CARS2: variants seen among roughly 807,000 people sequenced by gnomAD.
CARS2 encodes the protein cysteinyl-tRNA synthetase 2, mitochondrial, also known as probable cysteine--tRNA ligase, mitochondrial.
In CARS2, 52 loss-of-function variants were observed where a neutral mutation model predicts 68.8. That is an observed-to-expected ratio of 0.76 (90% CI 0.61 to 0.95). The LOEUF (loss-of-function observed/expected upper bound fraction) is 0.95, where lower values mean the gene tolerates loss of function less well. CARS2 is among the 40% of genes least tolerant of loss of function. The probability of loss-of-function intolerance (pLI) is 0.00; values close to 1 mark genes in which losing one functional copy is unlikely to be tolerated. For synonymous variants in CARS2, 314 were observed against 303.6 expected, an observed-to-expected ratio of 1.03 and a Z score of -0.36; for missense variants, 780 against 754.2, an observed-to-expected ratio of 1.03 and a Z score of -0.40.
chr13:110,684,951 A>C (rs1018084762), intron 5 of CARS2, among the ~76,000 whole-genome samples: 49 of 152,214 alleles, frequency 3.2e-4, no homozygotes, highest in African/African-American at 1.2e-3. Flanking sequence ...ATTTTGAATT[A>C]ATTATATTTA....
intron 7 of CARS2, among the ~76,000 whole-genome samples, chr13:110,674,436 G>A (rs1338740264): frequency 7.3e-6 from 1 of 136,752 alleles, no homozygotes; most frequent in African/African-American, 2.5e-5. Context: ...ATCTGATCTT[G>A]ACAAACCTGA....
At chr13:110,642,242 C>G in intron 14 of CARS2, 73 bp downstream of exon 14, 1 of 1,203,570 alleles carries the variant, frequency 8.3e-7, no homozygotes. Context: ...ATGTCTGGGC[C>G]TCTGATGGCC....
chr13:110,642,368 C>G lies in CARS2; in HGVS notation c.1570G>C (p.Glu524Gln), dbSNP rs1214379430. Residue 524 changes from glutamate (E) to glutamine (Q), a missense_variant, in exon 14 of 15, where the codon GAA becomes CAA. Transcript: ENST00000257347. The part of the protein sequence containing the change: ...QQLLERQPLL[E>Q]ACDTLRRGLT... ...CCCCGGCGCAGGGTGTCGCATGCTT[C>G]CAGCAGGGGCTGCCTTTCTAGGAGC... 2 of 1,557,904 alleles carry G rather than the reference C, an allele frequency of 1.3e-6. No individual in the cohort carries two copies. Among genetic ancestry groups the G allele is most frequent in the Admixed American group, 3.8e-5 (2 of 51,986 alleles).
At chr13:110,664,517 A>G (rs2062594032) in intron 8 of CARS2, 1 of 837,732 alleles carries the variant, frequency 1.2e-6, no homozygotes, top group Non-Finnish European at 1.4e-6. Flanking sequence ...ACTCTGCCTC[A>G]AAAATAAATA....
rs1322357817 is a variant in CARS2 at position 110,705,286 on chromosome 13, G to C, written c.275+235C>G. On this transcript the variant is annotated intron_variant, in intron 2 of 14. Transcript: ENST00000257347. The surrounding 1 kb of genome is among the most constrained non-coding windows in gnomAD (Gnocchi z 4.0). The stretch of plus-strand genomic sequence containing the variant: ...AGCAAAAAACATCTAGTTCCAAAAC[G>C]GGTCATTTTTCAGTGCTCCATTGTC... 6.6e-6 allele frequency among the ~76,000 whole-genome samples: 1 copy of C among 152,082 alleles called. No homozygotes were observed. The highest frequency in any genetic ancestry group is 1.5e-5 in the Non-Finnish European group (1 of 68,034).
intron 10 of CARS2, among the ~76,000 whole-genome samples, chr13:110,649,476 C>G (rs951396011): frequency 5.3e-5 from 8 of 152,162 alleles, no homozygotes; most frequent in African/African-American, 1.9e-4. Context: ...GGATAGGGGA[C>G]CAGCCCAGGG....
intron 2 of CARS2, among the ~76,000 whole-genome samples, chr13:110,704,170 T>C (rs1594430234): frequency 6.6e-6 from 1 of 152,362 alleles, no homozygotes; most frequent in East Asian, 1.9e-4. Context: ...AGACAGGCTG[T>C]ATCCCCAAAG....
In CARS2 at chr13:110,651,263, C is replaced by A. The variant is rs151183055; in HGVS notation, c.988-163G>T. On this transcript the variant is annotated intron_variant, in intron 9 of 14. Transcript: ENST00000257347. ...CCAAACTCACAATTACCACCTGTTTCCTGGTGATTTCCTCACTGAACTTTC... is the reference window on the plus strand; with the variant it reads ...CCAAACTCACAATTACCACCTGTTTACTGGTGATTTCCTCACTGAACTTTC... 118 of 559,854 alleles carry A rather than the reference C, an allele frequency of 2.1e-4. No homozygotes were observed. In the East Asian group the frequency reaches 2.4e-3, roughly 11 times the overall value. 34.7% of individuals were successfully genotyped at this position (559,854 alleles called of 1,614,324 possible).
At chr13:110,659,035 G>T (rs2062438702) in intron 9 of CARS2, among the ~76,000 whole-genome samples, 1 of 152,110 alleles carries the variant, frequency 6.6e-6, no homozygotes, top group Non-Finnish European at 1.5e-5. Flanking sequence ...CTTATTTTTA[G>T]GAGTTGGTTA....
In CARS2 at chr13:110,668,473, C is replaced by A. The variant is rs376266548; in HGVS notation, c.786-1000G>T. Among the ~76,000 whole-genome samples, 1 of 150,802 alleles carries A rather than the reference C, an allele frequency of 6.6e-6. No homozygotes were observed. The highest frequency in any genetic ancestry group is 1.5e-5 in the Non-Finnish European group (1 of 67,912). On this transcript the variant is annotated intron_variant, in intron 7 of 14. Coordinates refer to ENST00000257347, the MANE Select transcript of CARS2 (RefSeq NM_024537.4). The surrounding 1 kb of genome is among the most constrained non-coding windows in gnomAD (Gnocchi z 4.1). ...AAGAGAATGGCATGAACCCGGGAGG[C>A]GGAGCTTGCAGTGAGCCGAGATCGC...
In CARS2 at chr13:110,653,486, G is replaced by A. The variant is rs1291829380; in HGVS notation, c.988-2386C>T. On this transcript the variant is annotated intron_variant, in intron 9 of 14. Coordinates refer to ENST00000257347, the MANE Select transcript of CARS2 (RefSeq NM_024537.4). The surrounding 1 kb of genome is among the most constrained non-coding windows in gnomAD (Gnocchi z 5.6). ...CCTATTTAGGTCTCCGGGTTTCGGT[G>A]TGGAAACACCACTCCACAAGCAGCC... Among the ~76,000 whole-genome samples, 1 of 152,154 alleles carries A rather than the reference G, an allele frequency of 6.6e-6. No individual in the cohort carries two copies. Among genetic ancestry groups the A allele is most frequent in the Non-Finnish European group, 1.5e-5 (1 of 68,040 alleles).
At position 110,668,830 on chromosome 13, in the gene CARS2, G is replaced by C. The variant is rs2062723891; in HGVS notation, c.786-1357C>G. On this transcript the variant is annotated intron_variant, in intron 7 of 14. Transcript: ENST00000257347. This position sits in a 1 kb window ranked among gnomAD's most constrained non-coding sequence, Gnocchi z 4.1. ...TTTAAAATCAGAGAAGGCTCAGAAG[G>C]AACAACAATAATGGTCTCTTCATTA... Among the ~76,000 whole-genome samples the C allele has an allele frequency of 6.6e-6, 1 of 152,136 alleles. No individual in the cohort carries two copies. Among genetic ancestry groups the C allele is most frequent in the South Asian group, 2.1e-4 (1 of 4,836 alleles).
At chr13:110,684,056 A>G (rs6492298) in intron 5 of CARS2, among the ~76,000 whole-genome samples, 150,298 of 152,260 alleles carry the variant, frequency 0.99, 74,206 homozygotes, top group Middle Eastern at 1. Context: ...AGAAGAAAGC[A>G]CTACCAACCT....
At chr13:110,699,586 A>C (rs1296569221) in intron 3 of CARS2, among the ~76,000 whole-genome samples, 1 of 152,242 alleles carries the variant, frequency 6.6e-6, no homozygotes, top group Non-Finnish European at 1.5e-5. Flanking sequence ...ACTAACACAC[A>C]AATGAATAGA....
chr13:110,642,541 GT>G lies in CARS2; in HGVS notation c.1417-21del. The G allele has an allele frequency of 6.2e-7, 1 of 1,607,056 alleles. No homozygotes were observed. Among genetic ancestry groups the G allele is most frequent in the East Asian group, 2.2e-5 (1 of 44,642 alleles). On this transcript the variant is annotated intron_variant, in intron 13 of 14. Transcript: ENST00000257347. ...AACGTACTGAAGCCAGCAGGGCGCG[GT>G]TACGTCCCCCGGAGACTGTGGATTG... is the stretch of plus-strand genomic sequence containing the variant.
chr13:110,705,986 C>T lies in CARS2; in HGVS notation c.108G>A (p.Gly36=), dbSNP rs977882652. Residue 36 remains glycine (G), a synonymous_variant, in exon 1 of 15, where the codon GGG becomes GGA. Transcript: ENST00000257347. This position sits in a 1 kb window ranked among gnomAD's most constrained non-coding sequence, Gnocchi z 4.0. ...GCTGCAGCCAGGCCCGCCCGCGCCC[C>T]CCGCTCGCCGCCCGGCCCGCAGGCC... ...WHWPAGRAAS[G]GRGRAWLQPT... 3.3e-6 allele frequency: 5 copies of T among 1,505,848 alleles called. No individual in the cohort carries two copies. The African/African-American group carries it at 5.8e-5, about 17-fold the overall frequency. 93.3% of individuals were successfully genotyped at this position (1,505,848 alleles called of 1,614,324 possible).
intron 11 of CARS2, chr13:110,646,870 C>T: frequency 2.0e-6 from 1 of 501,836 alleles, no homozygotes; most frequent in Non-Finnish European, 3.5e-6. Context: ...TGACCCCACA[C>T]CTCCTGTCCA....
chr13:110,642,747 C>CTGAG (rs1195271375), intron 13 of CARS2: 1 of 749,316 alleles, frequency 1.3e-6, no homozygotes, highest in South Asian at 1.4e-5. Flanking sequence ...CCAAGCAAGG[C>CTGAG]TGAGTGATCC....
At chr13:110,659,581 G>C (rs2062452798) in intron 9 of CARS2, among the ~76,000 whole-genome samples, 1 of 151,918 alleles carries the variant, frequency 6.6e-6, no homozygotes. Context: ...CCACAATAAA[G>C]CGAATATCAC....
Sources: gnomAD v4.1 joint callset for allele counts (sites outside exome capture counted in the v4.1 genomes callset) on GRCh38, gnomAD v4.1.1 for gene constraint, Gnocchi (gnomAD v3.1) non-coding constraint, MANE v1.5 for transcripts, NCBI Gene and HGNC (gene_info 2026-07-23, HGNC 2026-07-21) for gene names.